Variants in LGSN observed in about 807,000 individuals in gnomAD.
LGSN encodes lengsin, lens protein with glutamine synthetase domain, also known as lengsin.
LGSN carries 21 observed loss-of-function variants against 19.5 expected under a neutral mutation model. The ratio of observed to expected loss-of-function variants is 1.07; its 90% CI spans 0.76 to 1.55. LGSN has a LOEUF of 1.55. LGSN is among the 40% of genes most tolerant of loss of function. The pLI is 0.00. For missense variants in LGSN, 673 were observed against 608.5 expected (o/e 1.11, Z -1.12); for synonymous variants, 257 against 215.6 (o/e 1.19, Z -1.68).
chr6:63,439,925 T>C, the LGSN span, among the ~76,000 whole-genome samples: 17 of 152,370 alleles, frequency 1.1e-4, no homozygotes, highest in Non-Finnish European at 1.9e-4. Flanking sequence ...ACATCTCTTC[T>C]AGCTTTGAAA....
At chr6:63,358,831 T>G in the LGSN span, among the ~76,000 whole-genome samples, 1 of 152,174 alleles carries the variant, frequency 6.6e-6, no homozygotes, top group Non-Finnish European at 1.5e-5. Flanking sequence ...TATTTTTTTC[T>G]CCTGCCTGAG....
At chr6:63,464,792 C>T in the LGSN span, among the ~76,000 whole-genome samples, 3 of 151,680 alleles carry the variant, frequency 2.0e-5, no homozygotes, top group African/African-American at 7.3e-5. Flanking sequence ...TTTGGGAGGC[C>T]GAGGCAGGTG....
chr6:63,400,874 A>T, the LGSN span, among the ~76,000 whole-genome samples: 1 of 152,034 alleles, frequency 6.6e-6, no homozygotes, highest in African/African-American at 2.4e-5. Context: ...GGCGCCTGTA[A>T]TCCCAGCTAC....
chr6:63,313,320 A>G (rs980840475), intron 1 of LGSN, among the ~76,000 whole-genome samples: 2 of 152,054 alleles, frequency 1.3e-5, no homozygotes, highest in African/African-American at 4.8e-5. Flanking sequence ...CGGTGGAAGC[A>G]TGTGAGCAGC....
chr6:63,382,227 CAAATA>C, the LGSN span, among the ~76,000 whole-genome samples: 10 of 152,122 alleles, frequency 6.6e-5, no homozygotes, highest in African/African-American at 2.4e-4. Flanking sequence ...TATATAGACT[CAAATA>C]TATCTTCACT....
At chr6:63,502,611 A>T in the LGSN span, among the ~76,000 whole-genome samples, 6 of 152,364 alleles carry the variant, frequency 3.9e-5, no homozygotes, top group East Asian at 1.2e-3. Flanking sequence ...ACAAGCAATT[A>T]GGTCTTCACT....
the LGSN span, among the ~76,000 whole-genome samples, chr6:63,387,351 A>G: frequency 6.6e-6 from 1 of 152,186 alleles, no homozygotes. Flanking sequence ...TTCTTGTAAT[A>G]TTCCTAAAAC....
At chr6:63,322,784 G>A (rs747463302), upstream of LGSN, among the ~76,000 whole-genome samples, 5 of 152,052 alleles carry the variant, frequency 3.3e-5, no homozygotes, top group African/African-American at 1.2e-4. Flanking sequence ...ATTTAAAACC[G>A]ATGATTAAAA....
chr6:63,327,156 T>G, the LGSN span, among the ~76,000 whole-genome samples: 449 of 152,268 alleles, frequency 2.9e-3, 3 homozygotes, highest in African/African-American at 0.01. Flanking sequence ...CTAGACCAGG[T>G]AAAGTGCCAG....
At chr6:63,434,604 C>CAA in the LGSN span, among the ~76,000 whole-genome samples, 22 of 62,906 alleles carry the variant, frequency 3.5e-4, no homozygotes, top group East Asian at 5.5e-4. Context: ...ACTAAAAATT[C>CAA]AAAAAAAAAA....
the LGSN span, among the ~76,000 whole-genome samples, chr6:63,353,667 A>C: frequency 1.1e-3 from 167 of 152,148 alleles, 1 homozygote; most frequent in African/African-American, 3.7e-3. Context: ...CATGAAACCA[A>C]AAAAGAGCCT....
the LGSN span, among the ~76,000 whole-genome samples, chr6:63,515,346 C>T: frequency 6.6e-6 from 1 of 152,164 alleles, no homozygotes; most frequent in South Asian, 2.1e-4. Context: ...ATTCTCCTGC[C>T]TCAGCTTCCC....
At chr6:63,553,303 A>G in the LGSN span, among the ~76,000 whole-genome samples, 3 of 152,180 alleles carry the variant, frequency 2.0e-5, no homozygotes, top group African/African-American at 7.2e-5. Flanking sequence ...TCAGGACCAT[A>G]AAGTAACAGG....
the LGSN span, among the ~76,000 whole-genome samples, chr6:63,377,913 CAAAAAAAAAAAAA>C: frequency 1.8e-5 from 1 of 54,352 alleles, no homozygotes; most frequent in African/African-American, 6.4e-5. Context: ...GACTCCATCT[CAAAAAAAAAAAAA>C]AAAAAAAAAG....
chr6:63,530,065 G>A, the LGSN span, among the ~76,000 whole-genome samples: 1 of 151,908 alleles, frequency 6.6e-6, no homozygotes, highest in Non-Finnish European at 1.5e-5. Context: ...CTCGAGATAG[G>A]GCAAGGATAA....
the LGSN span, among the ~76,000 whole-genome samples, chr6:63,519,126 G>T: frequency 6.6e-6 from 1 of 152,164 alleles, no homozygotes; most frequent in Non-Finnish European, 1.5e-5. Flanking sequence ...TGGCCAACAT[G>T]GTGAAACCCC....
the LGSN span, among the ~76,000 whole-genome samples, chr6:63,545,198 C>T: frequency 2.6e-5 from 4 of 152,148 alleles, no homozygotes; most frequent in Admixed American, 1.3e-4. Context: ...ATACTCAAAT[C>T]GTCCCAGATT....
chr6:63,527,770 C>T, the LGSN span: 9 of 152,240 alleles, frequency 5.9e-5, no homozygotes, highest in South Asian at 4.1e-4. Context: ...TAGACAGTGA[C>T]GATAACAGTG....
the LGSN span, among the ~76,000 whole-genome samples, chr6:63,439,156 A>G: frequency 1.3e-5 from 2 of 152,020 alleles, no homozygotes; most frequent in African/African-American, 4.8e-5. Flanking sequence ...TTGAACAATG[A>G]GAACACATGG....
Sources: allele counts gnomAD v4.1 joint callset (sites outside exome capture counted in the v4.1 genomes callset), GRCh38; gene constraint gnomAD v4.1.1; transcripts MANE v1.5; gene names NCBI Gene and HGNC (gene_info 2026-07-23, HGNC 2026-07-21).